Variants in CTSB observed in about 807,000 individuals in gnomAD.
CTSB encodes APP secretase.
CTSB carries 57 observed loss-of-function variants against 44.3 expected under a neutral mutation model. The ratio of observed to expected loss-of-function variants is 1.29; its 90% CI spans 1.04 to 1.60. The LOEUF is 1.60. CTSB is among the 40% of genes most tolerant of loss of function. CTSB has a pLI of 0.00. For synonymous variants in CTSB, 320 were observed against 168.0 expected (o/e 1.91, Z -7.00); for missense variants, 768 against 443.0 (o/e 1.73, Z -6.59).
intron 1 of CTSB, among the ~76,000 whole-genome samples, chr8:11,857,414 C>A (rs896755159): frequency 1.3e-5 from 2 of 152,188 alleles, no homozygotes; most frequent in African/African-American, 4.8e-5. Context: ...ACAGCCTCCA[C>A]ACTGTGAGGT....
Position 11,844,934 on chromosome 8 carries a change from G to T in CTSB, c.*191C>A. ...CTGTGCTGGCAGCGGTGGCTCACATGGCCTGTCTGCACTGTAACCACAGGC... is the reference window on the plus strand; with the variant it reads ...CTGTGCTGGCAGCGGTGGCTCACATTGCCTGTCTGCACTGTAACCACAGGC... On this transcript the variant is annotated 3_prime_UTR_variant, in exon 10 of 10. Transcript: ENST00000353047. 3.4e-6 allele frequency: 2 copies of T among 589,594 alleles called. No homozygotes were observed. The highest frequency in any genetic ancestry group is 6.1e-6 in the Non-Finnish European group (2 of 329,798). The allele number at this position is 589,594 out of a possible 1,614,324, so 36.5% of individuals were successfully genotyped here. A position where few individuals can be genotyped will look rare whatever the true frequency, so the allele number is the denominator to read the frequency against.
At position 11,844,063 on chromosome 8, in the gene CTSB, CTA is replaced by C. The variant is rs1410583807; in HGVS notation, c.*1060_*1061del. ...ACAACAACAAAAAAATAGAGCACAG[CTA>C]TGTTTTGAGTTCTTAAGCAAGGGCA... On this transcript the variant is annotated 3_prime_UTR_variant, in exon 10 of 10. Coordinates refer to ENST00000353047, the MANE Select transcript of CTSB (RefSeq NM_001908.5). 6.6e-6 allele frequency: 1 copy of C among 152,060 alleles called. No individual in the cohort carries two copies. The highest frequency in any genetic ancestry group is 1.5e-5 in the Non-Finnish European group (1 of 68,016). The allele number at this position is 152,060 out of a possible 1,614,324, so 9.4% of individuals were successfully genotyped here.
chr8:11,856,690 A>G (rs1413678204), intron 1 of CTSB, among the ~76,000 whole-genome samples: 1 of 152,166 alleles, frequency 6.6e-6, no homozygotes, highest in Non-Finnish European at 1.5e-5. Flanking sequence ...TTAAGTGGGG[A>G]AAAAGCAAGC....
At chr8:11,854,400 G>A (rs1815165032) in intron 1 of CTSB, among the ~76,000 whole-genome samples, 1 of 152,016 alleles carries the variant, frequency 6.6e-6, no homozygotes, top group Non-Finnish European at 1.5e-5. Flanking sequence ...GGTTCTATCT[G>A]AAGAACAATT....
In CTSB at chr8:11,853,389, A is replaced by T. The variant is rs773554520; in HGVS notation, c.66T>A (p.Ser22=). The T allele has an allele frequency of 6.8e-6, 11 of 1,612,870 alleles. No individual in the cohort carries two copies. Among genetic ancestry groups the T allele is most frequent in the Middle Eastern group, 1.7e-4 (1 of 6,060 alleles). The change falls in exon 2 of 10, where the codon TCT becomes TCA. Residue 22 remains serine, a synonymous_variant. Coordinates refer to ENST00000353047, the MANE Select transcript of CTSB (RefSeq NM_001908.5). ...LVLANARSRP[S]FHPLSDELVN... ...CCAGCTCATCCGACAGGGGATGGAA[A>T]GAGGGCCTGCTCCGGGCATTGGCCA...
chr8:11,844,750 G>A lies in CTSB; in HGVS notation c.*375C>T, dbSNP rs1204420820. 1.0e-5 allele frequency: 2 copies of A among 191,082 alleles called. No homozygotes were observed. Among genetic ancestry groups the A allele is most frequent in the Non-Finnish European group, 2.2e-5 (2 of 92,264 alleles). The allele number at this position is 191,082 out of a possible 1,614,324, so 11.8% of individuals were successfully genotyped here. ...GAAAGCTACTTGCTTGGAGGTACTG[G>A]GGGAACTGATGGGGGAACTTTCATC... On this transcript the variant is annotated 3_prime_UTR_variant, in exon 10 of 10. Transcript: ENST00000353047.
At chr8:11,851,029 C>T in intron 3 of CTSB, 49 bp from the exon 4 acceptor site, 1 of 1,414,988 alleles carries the variant, frequency 7.1e-7, no homozygotes, top group Admixed American at 1.8e-5. Flanking sequence ...ACAACTCCCT[C>T]CCCAATCCCT....
At chr8:11,851,039 T>C in intron 3 of CTSB, 59 bp from the exon 4 acceptor site, 1 of 1,269,710 alleles carries the variant, frequency 7.9e-7, no homozygotes, top group Non-Finnish European at 1.1e-6. Flanking sequence ...CCCCAATCCC[T>C]GCAAAGGCCA....
intron 4 of CTSB, 96 bp downstream of exon 4, chr8:11,850,770 C>T (rs555703405): frequency 3.9e-6 from 3 of 764,022 alleles, no homozygotes; most frequent in East Asian, 5.5e-5. Context: ...TATAACTTGC[C>T]TTGTCAGAGT....
intron 8 of CTSB, chr8:11,846,092 A>C (rs903374013): frequency 3.8e-5 from 8 of 209,418 alleles, no homozygotes; most frequent in Non-Finnish European, 7.6e-5. Context: ...ATGCTAGATG[A>C]CTGATTCATC....
At position 11,843,617 on chromosome 8, in the gene CTSB, T is replaced by G. The variant is rs1812663994; in HGVS notation, c.*1508A>C. The G allele has an allele frequency of 6.6e-6, 1 of 152,228 alleles. No homozygotes were observed. The highest frequency in any genetic ancestry group is 1.5e-5 in the Non-Finnish European group (1 of 68,040). The allele number at this position is 152,228 out of a possible 1,614,324, so 9.4% of individuals were successfully genotyped here. On this transcript the variant is annotated 3_prime_UTR_variant, in exon 10 of 10. Transcript: ENST00000353047. Reference sequence around the variant, plus strand: ...CCCTGACTCCAGCCCAAACCAAGGCTGGAGGGCATCCAGGGGGATGTGGTT... The same window carrying G: ...CCCTGACTCCAGCCCAAACCAAGGCGGGAGGGCATCCAGGGGGATGTGGTT...
chr8:11,844,231 G>A lies in CTSB; in HGVS notation c.*894C>T, dbSNP rs1812800094. Reference sequence around the variant, plus strand: ...GAGTCGCAAGAACATGCAGTTCCAGGACGTGATTCTCTGCAGGGACAAAGA... The same window carrying A: ...GAGTCGCAAGAACATGCAGTTCCAGAACGTGATTCTCTGCAGGGACAAAGA... On this transcript the variant is annotated 3_prime_UTR_variant, in exon 10 of 10. Coordinates refer to ENST00000353047, the MANE Select transcript of CTSB (RefSeq NM_001908.5). 1 of 152,188 alleles carries A rather than the reference G, an allele frequency of 6.6e-6. No homozygotes were observed. The highest frequency in any genetic ancestry group is 1.5e-5 in the Non-Finnish European group (1 of 68,038). The allele number at this position is 152,188 out of a possible 1,614,324, so 9.4% of individuals were successfully genotyped here.
chr8:11,860,753 G>A (rs1248490931), intron 1 of CTSB, among the ~76,000 whole-genome samples: 2 of 152,252 alleles, frequency 1.3e-5, no homozygotes, highest in South Asian at 4.1e-4. Context: ...GAAAGGTGGG[G>A]AGACTGTGAA....
At chr8:11,849,732 C>T (rs544789476) in intron 4 of CTSB, among the ~76,000 whole-genome samples, 18 of 152,168 alleles carry the variant, frequency 1.2e-4, no homozygotes, top group African/African-American at 4.1e-4. Flanking sequence ...AGGTGCCTGC[C>T]ACCAGGCCCA....
intron 1 of CTSB, among the ~76,000 whole-genome samples, chr8:11,858,133 C>T (rs1466293576): frequency 2.0e-5 from 3 of 152,166 alleles, no homozygotes; most frequent in Non-Finnish European, 4.4e-5. Context: ...AGGACCAAAG[C>T]GCCGGCACAT....
In CTSB at chr8:11,853,721, G is replaced by C. The variant is rs996148867; in HGVS notation, c.-25-242C>G. On this transcript the variant is annotated intron_variant, in intron 1 of 9. Coordinates refer to ENST00000353047, the MANE Select transcript of CTSB (RefSeq NM_001908.5). Reference sequence around the variant, plus strand: ...CCCAGAGAGAGAGCCAAGGGGCTGTGCTGGACGAGACCGAGTCCAGGGCCT... The same window carrying C: ...CCCAGAGAGAGAGCCAAGGGGCTGTCCTGGACGAGACCGAGTCCAGGGCCT... 11 of 445,232 alleles carry C rather than the reference G, an allele frequency of 2.5e-5. No homozygotes were observed. In the Admixed American group the frequency reaches 2.9e-4, roughly 12 times the overall value. The allele number at this position is 445,232 out of a possible 1,614,324, so 27.6% of individuals were successfully genotyped here. A position where few individuals can be genotyped will look rare whatever the true frequency, so the allele number is the denominator to read the frequency against.
chr8:11,862,499 T>C (rs1252270846), intron 1 of CTSB: 1 of 152,234 alleles, frequency 6.6e-6, no homozygotes, highest in African/African-American at 2.4e-5. Flanking sequence ...TGAAAAATAA[T>C]GGAAATTGTA....
At chr8:11,850,237 G>C (rs909953326) in intron 4 of CTSB, among the ~76,000 whole-genome samples, 1 of 151,938 alleles carries the variant, frequency 6.6e-6, no homozygotes, top group Non-Finnish European at 1.5e-5. Context: ...TGTCCAACAT[G>C]GCAAAACCCC....
chr8:11,848,081 T>A lies in CTSB; in HGVS notation c.518A>T (p.Tyr173Phe). ...GACACACTTACCTACATGGGATTCA[T>A]AGAGGCCACCAGAAACCAGGCCTTT... ...TRKGLVSGGL[Y>F]ESHVGCRPYS... is the part of the protein sequence containing the mutation. The change falls in exon 6 of 10, where the codon TAT becomes TTT. Residue 173 changes from tyrosine (Y) to phenylalanine (F), a missense_variant. Transcript: ENST00000353047. 1 of 1,613,440 alleles carries A rather than the reference T, an allele frequency of 6.2e-7. No homozygotes were observed. The highest frequency in any genetic ancestry group is 8.5e-7 in the Non-Finnish European group (1 of 1,179,582).
Sources: allele counts gnomAD v4.1 joint callset (sites outside exome capture counted in the v4.1 genomes callset), GRCh38; gene constraint gnomAD v4.1.1; transcripts MANE v1.5; gene names NCBI Gene and HGNC (gene_info 2026-07-23, HGNC 2026-07-21).